The following NXPE2 variants were observed in gnomAD, a reference collection of about 807,000 sequenced individuals.
NXPE2 encodes NXPE family member 2.
Under a neutral mutation model 34.4 loss-of-function variants are expected in NXPE2, and 34 were observed. The ratio of observed to expected loss-of-function variants is 0.99; its 90% CI spans 0.75 to 1.31. The LOEUF (loss-of-function observed/expected upper bound fraction) is 1.31. NXPE2 is among the 40% of genes most tolerant of loss of function. NXPE2 has a pLI of 0.00. For synonymous variants in NXPE2, 235 were observed against 231.3 expected, an observed-to-expected ratio of 1.02 and a Z score of -0.15; for missense variants, 649 against 672.5, an observed-to-expected ratio of 0.97 and a Z score of 0.39.
At chr11:114,720,135 C>T in the NXPE2 span, among the ~76,000 whole-genome samples, 2 of 152,192 alleles carry the variant, frequency 1.3e-5, no homozygotes. Context: ...AGGGAGGCTG[C>T]TTCTGTAGTG....
At chr11:114,759,083 C>T in the NXPE2 span, among the ~76,000 whole-genome samples, 36 of 145,940 alleles carry the variant, frequency 2.5e-4, no homozygotes, top group East Asian at 2.0e-4. Flanking sequence ...CACGCACATG[C>T]GTACACATGC....
chr11:114,545,024 C>A, the NXPE2 span, among the ~76,000 whole-genome samples: 1 of 152,190 alleles, frequency 6.6e-6, no homozygotes, highest in African/African-American at 2.4e-5. Flanking sequence ...TAATACATAT[C>A]AATTAGAATG....
At chr11:114,543,659 C>T in the NXPE2 span, among the ~76,000 whole-genome samples, 1 of 152,074 alleles carries the variant, frequency 6.6e-6, no homozygotes, top group Non-Finnish European at 1.5e-5. Flanking sequence ...TTAAACACTT[C>T]CCCAATATTG....
At chr11:114,662,071 A>G in the NXPE2 span, among the ~76,000 whole-genome samples, 1 of 152,180 alleles carries the variant, frequency 6.6e-6, no homozygotes, top group South Asian at 2.1e-4. Flanking sequence ...CAAAAGAAGC[A>G]CTTTTATAAG....
rs1951302066 is a variant in NXPE2, at chr11:114,698,409, A to C, written c.497A>C (p.Lys166Thr). ...GCACTAATGGCAGGTGCTTCAGGAAAGGTGACTGACTTCAACAACGGCACC... is the reference window on the plus strand; with the variant it reads ...GCACTAATGGCAGGTGCTTCAGGAACGGTGACTGACTTCAACAACGGCACC... ...STALMAGASGKVTDFNNGTYL... is the reference protein window; with the variant it reads ...STALMAGASGTVTDFNNGTYL... The change falls in exon 3 of 6, where the codon AAG (lysine) becomes ACG (threonine). Residue 166 changes from lysine to threonine, a missense_variant. Coordinates refer to ENST00000389586, the MANE Select transcript of NXPE2 (RefSeq NM_182495.6). The C allele has an allele frequency of 3.1e-6, 5 of 1,614,032 alleles. No homozygotes were observed. Among genetic ancestry groups the C allele is most frequent in the Non-Finnish European group, 4.2e-6 (5 of 1,179,944 alleles).
At chr11:114,637,074 C>G in the NXPE2 span, among the ~76,000 whole-genome samples, 64 of 151,946 alleles carry the variant, frequency 4.2e-4, no homozygotes, top group South Asian at 0.013. Flanking sequence ...GTTAAAGTCT[C>G]CCATTATTAA....
At chr11:114,574,940 T>C in the NXPE2 span, among the ~76,000 whole-genome samples, 5 of 152,060 alleles carry the variant, frequency 3.3e-5, no homozygotes, top group Non-Finnish European at 7.4e-5. Flanking sequence ...GCTAAAATCC[T>C]CACCAAAATA....
At chr11:114,623,415 C>T in the NXPE2 span, among the ~76,000 whole-genome samples, 15 of 152,142 alleles carry the variant, frequency 9.9e-5, no homozygotes, top group East Asian at 5.8e-4. Flanking sequence ...CATTGTTACC[C>T]GCTGGATAAT....
chr11:114,511,231 C>T, the NXPE2 span, among the ~76,000 whole-genome samples: 1 of 152,194 alleles, frequency 6.6e-6, no homozygotes, highest in East Asian at 1.9e-4. Context: ...GCCAGTGCTG[C>T]ATGATCAGAA....
At chr11:114,617,232 C>G in the NXPE2 span, among the ~76,000 whole-genome samples, 1 of 151,752 alleles carries the variant, frequency 6.6e-6, no homozygotes, top group African/African-American at 2.4e-5. Flanking sequence ...ATAAATATTT[C>G]CTCGTGGGTA....
chr11:114,716,372 C>T, the NXPE2 span, among the ~76,000 whole-genome samples: 1 of 152,136 alleles, frequency 6.6e-6, no homozygotes. Flanking sequence ...GAGATCACTC[C>T]ATTTTCTGCA....
chr11:114,486,152 T>A, the NXPE2 span, among the ~76,000 whole-genome samples: 5 of 152,282 alleles, frequency 3.3e-5, no homozygotes, highest in East Asian at 1.9e-4. Flanking sequence ...CTCACCAGCA[T>A]TTTTTATTGC....
At chr11:114,573,708 T>A in the NXPE2 span, among the ~76,000 whole-genome samples, 259 of 152,034 alleles carry the variant, frequency 1.7e-3, 2 homozygotes, top group African/African-American at 5.8e-3. Context: ...AGCTCCCAAA[T>A]TTACAAAACA....
At chr11:114,499,135 C>A in the NXPE2 span, among the ~76,000 whole-genome samples, 2 of 152,100 alleles carry the variant, frequency 1.3e-5, no homozygotes, top group East Asian at 3.9e-4. Flanking sequence ...AATCACACGT[C>A]TCATCCTTAT....
At chr11:114,679,912 T>C in intron 2 of NXPE2, 150 bp downstream of exon 2, 1 of 545,262 alleles carries the variant, frequency 1.8e-6, no homozygotes, top group Non-Finnish European at 3.3e-6. Context: ...CATAAATCCC[T>C]TTGGCAATGC....
At chr11:114,625,032 G>A in the NXPE2 span, among the ~76,000 whole-genome samples, 3 of 149,914 alleles carry the variant, frequency 2.0e-5, no homozygotes, top group Non-Finnish European at 4.5e-5. Context: ...TGTTGCCTCG[G>A]GGGTAAACAC....
chr11:114,778,348 CTT>C, the NXPE2 span, among the ~76,000 whole-genome samples: 6 of 152,128 alleles, frequency 3.9e-5, no homozygotes. Flanking sequence ...GCTAAGGAAT[CTT>C]TAAGTTTTCT....
chr11:114,769,936 T>C, the NXPE2 span, among the ~76,000 whole-genome samples: 1 of 152,152 alleles, frequency 6.6e-6, no homozygotes, highest in Admixed American at 6.5e-5. Flanking sequence ...GTTCTGCACA[T>C]GTACCCCAGA....
the NXPE2 span, among the ~76,000 whole-genome samples, chr11:114,750,502 T>C: frequency 5.3e-5 from 8 of 152,202 alleles, no homozygotes; most frequent in Non-Finnish European, 1.0e-4. Flanking sequence ...CCAGAAGCAA[T>C]TGGCTTTTCA....
Sources: allele counts gnomAD v4.1 joint callset (sites outside exome capture counted in the v4.1 genomes callset), GRCh38; gene constraint gnomAD v4.1.1; transcripts MANE v1.5; gene names NCBI Gene and HGNC (gene_info 2026-07-23, HGNC 2026-07-21).